CEP135: variants seen among roughly 807,000 people sequenced by gnomAD.
The protein encoded by CEP135 is centrosomal protein of 135 kDa.
Under a neutral mutation model 157.3 loss-of-function variants are expected in CEP135, and 142 were observed. The observed-to-expected ratio is 0.90, with a 90% CI of 0.79 to 1.04. CEP135 has a LOEUF of 1.04. Ranked by LOEUF, CEP135 falls within the 50% of genes least tolerant of loss-of-function variation. CEP135 has a pLI of 0.00. For missense variants in CEP135, 1,317 were observed against 1,309.2 expected (o/e 1.01, Z -0.09); for synonymous variants, 396 against 439.8 (o/e 0.90, Z 1.25).
In CEP135 at chr4:55,957,514, A is replaced by G; in HGVS notation, c.614+150A>G. The stretch of plus-strand genomic sequence containing the variant: ...ACCGGCACTCAGTAAATACTTCCAG[A>G]TTGATATAAAATGTTTTTACTTGTT... On this transcript the variant is annotated intron_variant, in intron 5 of 25. Coordinates refer to ENST00000257287, the MANE Select transcript of CEP135 (RefSeq NM_025009.5). The G allele has an allele frequency of 6.6e-6, 4 of 606,100 alleles. No homozygotes were observed. The South Asian group carries it at 1.2e-4, about 18-fold the overall frequency. 37.5% of individuals were successfully genotyped at this position (606,100 alleles called of 1,614,324 possible). A position where few individuals can be genotyped will look rare whatever the true frequency, so the allele number is the denominator to read the frequency against.
chr4:56,020,712 T>A lies in CEP135; in HGVS notation c.3252T>A (p.Ala1084=), dbSNP rs551932369. The change falls in exon 24 of 26, where the codon GCT becomes GCA. Residue 1084 remains alanine (A), a synonymous_variant. Coordinates refer to ENST00000257287, the MANE Select transcript of CEP135 (RefSeq NM_025009.5). ...SQSRENTMLR[A]KVAQLQTDYD... is the part of the protein sequence containing the mutation. Reference sequence around the variant, plus strand: ...GCCGGGAAAACACCATGCTTCGAGCTAAAGTGGCACAGTTACAAACAGATT... The same window carrying A: ...GCCGGGAAAACACCATGCTTCGAGCAAAAGTGGCACAGTTACAAACAGATT... 17 of 1,613,654 alleles carry A rather than the reference T, an allele frequency of 1.1e-5. No homozygotes were observed. Among genetic ancestry groups the A allele is most frequent in the Middle Eastern group, 1.6e-4 (1 of 6,080 alleles).
chr4:56,025,391 A>ACT, intron 25 of CEP135, among the ~76,000 whole-genome samples: 1 of 152,222 alleles, frequency 6.6e-6, no homozygotes, highest in Non-Finnish European at 1.5e-5. Context: ...TCAGGCTACA[A>ACT]ATAATAGGTA....
intron 9 of CEP135, among the ~76,000 whole-genome samples, chr4:55,970,779 G>A (rs918298672): frequency 2.0e-5 from 3 of 152,082 alleles, no homozygotes; most frequent in African/African-American, 7.2e-5. Context: ...TTACCGTGGT[G>A]GACATGTTGG....
chr4:55,969,136 G>A lies in CEP135; in HGVS notation c.1110+8G>A, dbSNP rs1397064032. ...ATGGCAAAACTTCAGCTGGTAAGTT[G>A]ATGTCATGTTGAATTGCCAGCATTT... is the stretch of plus-strand genomic sequence containing the variant. On this transcript the variant is annotated splice_region_variant and intron_variant, in intron 9 of 25. Transcript: ENST00000257287. The A allele has an allele frequency of 6.2e-7, 1 of 1,610,764 alleles. No homozygotes were observed. The highest frequency in any genetic ancestry group is 8.5e-7 in the Non-Finnish European group (1 of 1,178,732).
intron 21 of CEP135, among the ~76,000 whole-genome samples, chr4:56,017,396 T>C (rs1385021929): frequency 6.6e-6 from 1 of 152,160 alleles, no homozygotes; most frequent in South Asian, 2.1e-4. Flanking sequence ...TAACTTTCTT[T>C]TTTACATTTC....
intron 22 of CEP135, 136 bp downstream of exon 22, chr4:56,017,993 C>A (rs953270821): frequency 8.0e-6 from 6 of 747,800 alleles, no homozygotes; most frequent in Non-Finnish European, 1.2e-5. Flanking sequence ...TGGAGTTTTG[C>A]TCTGTCGCTT....
chr4:56,021,611 A>G (rs1413306708), intron 24 of CEP135, among the ~76,000 whole-genome samples: 1 of 152,174 alleles, frequency 6.6e-6, no homozygotes, highest in Admixed American at 6.5e-5. Flanking sequence ...TTCATTCTCA[A>G]TTAGTGGCCA....
At chr4:55,994,424 A>G (rs919941521) in intron 15 of CEP135, among the ~76,000 whole-genome samples, 2 of 152,136 alleles carry the variant, frequency 1.3e-5, no homozygotes, top group African/African-American at 4.8e-5. Context: ...GCATGTGCCT[A>G]TATCCCTAGC....
chr4:55,999,295 T>C lies in CEP135; in HGVS notation c.2010-7T>C. The C allele has an allele frequency of 6.2e-7, 1 of 1,600,318 alleles. No homozygotes were observed. Among genetic ancestry groups the C allele is most frequent in the Non-Finnish European group, 8.5e-7 (1 of 1,172,684 alleles). Reference sequence around the variant, plus strand: ...ATACCATTTGTTTTTGTCCATTGATTCTTTAGGATAGTGAATGAGCAGCTA... The same window carrying C: ...ATACCATTTGTTTTTGTCCATTGATCCTTTAGGATAGTGAATGAGCAGCTA... On this transcript the variant is annotated splice_polypyrimidine_tract_variant and splice_region_variant and intron_variant, in intron 15 of 25. Transcript: ENST00000257287.
intron 14 of CEP135, among the ~76,000 whole-genome samples, chr4:55,989,658 G>A (rs1363568603): frequency 6.6e-6 from 1 of 152,182 alleles, no homozygotes; most frequent in East Asian, 1.9e-4. Context: ...AACAGAAGAT[G>A]TGAATAAACT....
rs1560395931 is a variant in CEP135, at chr4:55,954,372, T to C, written c.461T>C (p.Val154Ala). Reference protein sequence around the residue: ...QLQEKNLHAVVQTPGGKKRSI... With the variant: ...QLQEKNLHAVAQTPGGKKRSI... ...CAAGAAAAGAATTTGCATGCTGTAGTACAAACTCCAGGTAAATCGATTCCT... is the reference window on the plus strand; with the variant it reads ...CAAGAAAAGAATTTGCATGCTGTAGCACAAACTCCAGGTAAATCGATTCCT... Residue 154 changes from valine (V) to alanine (A), a missense_variant, in exon 4 of 26, where the codon GTA becomes GCA. Physicochemically the swap from Val to Ala is moderately conservative, Grantham distance 64. Coordinates refer to ENST00000257287, the MANE Select transcript of CEP135 (RefSeq NM_025009.5). 1 of 1,597,842 alleles carries C rather than the reference T, an allele frequency of 6.3e-7. No individual in the cohort carries two copies. The highest frequency in any genetic ancestry group is 8.5e-7 in the Non-Finnish European group (1 of 1,175,262).
At chr4:56,024,294 A>G (rs1731077552) in intron 24 of CEP135, among the ~76,000 whole-genome samples, 1 of 150,818 alleles carries the variant, frequency 6.6e-6, no homozygotes, top group Admixed American at 6.6e-5. Context: ...TAGAAGCAAG[A>G]TGCTCCTCAC....
chr4:55,963,605 G>C (rs1728751188), intron 6 of CEP135, among the ~76,000 whole-genome samples: 1 of 152,156 alleles, frequency 6.6e-6, no homozygotes, highest in Non-Finnish European at 1.5e-5. Flanking sequence ...AATTAGCCAG[G>C]CGTGGTGGCA....
Position 55,971,336 on chromosome 4 carries a change from G to A in CEP135, c.1177G>A (p.Glu393Lys), listed in dbSNP as rs747351997. The A allele has an allele frequency of 1.2e-6, 2 of 1,607,528 alleles. No homozygotes were observed. The highest frequency in any genetic ancestry group is 2.3e-5 in the East Asian group (1 of 44,302). The change falls in exon 10 of 26, where the codon GAA (glutamate) becomes AAA (lysine). Residue 393 changes from glutamate (E) to lysine (K), a missense_variant. Transcript: ENST00000257287. ...SDELLVKSDL[E>K]TVVHQLEQEK... The stretch of plus-strand genomic sequence containing the variant: ...TGAACTCCTTGTAAAATCAGACCTA[G>A]AAACTGTTGTTCATCAGCTTGAACA...
rs112795545 is a variant in CEP135 at position 55,949,801 on chromosome 4, A to G, written c.-46+742A>G. 3.5e-4 allele frequency among the ~76,000 whole-genome samples: 54 copies of G among 152,308 alleles called. 2 individuals are homozygous for G. Among genetic ancestry groups the G allele is most frequent in the African/African-American group, 1.3e-3 (53 of 41,574 alleles). On this transcript the variant is annotated intron_variant, in intron 1 of 25. Coordinates refer to ENST00000257287, the MANE Select transcript of CEP135 (RefSeq NM_025009.5). ...GGGTTATGGGGAAAGACAACAGTTC[A>G]TGGGTGGGGACGGCCTAACATGTTT...
chr4:56,001,186 T>C (rs1430609135), intron 17 of CEP135, among the ~76,000 whole-genome samples: 1 of 152,208 alleles, frequency 6.6e-6, no homozygotes, highest in African/African-American at 2.4e-5. Context: ...TTTGCAGATA[T>C]TTTCTCCCAT....
chr4:55,960,140 T>C (rs1363363731), intron 6 of CEP135: 2 of 298,640 alleles, frequency 6.7e-6, no homozygotes, highest in Non-Finnish European at 1.2e-5. Flanking sequence ...TCTCCCCAAA[T>C]ATAATTTTAT....
chr4:55,970,390 TA>T (rs1448945517), intron 9 of CEP135, among the ~76,000 whole-genome samples: 1 of 152,196 alleles, frequency 6.6e-6, no homozygotes, highest in Non-Finnish European at 1.5e-5. Flanking sequence ...TTGAGGATTT[TA>T]AAAAAATAAC....
intron 25 of CEP135, among the ~76,000 whole-genome samples, chr4:56,031,060 A>G (rs1731326888): frequency 6.9e-6 from 1 of 144,864 alleles, no homozygotes; most frequent in South Asian, 2.2e-4. Flanking sequence ...TGAGTATGGG[A>G]GATCAAGACT....
Sources: gnomAD v4.1 joint callset for allele counts (sites outside exome capture counted in the v4.1 genomes callset) on GRCh38, gnomAD v4.1.1 for gene constraint, MANE v1.5 for transcripts, NCBI Gene and HGNC (gene_info 2026-07-23, HGNC 2026-07-21) for gene names.